The following ENOX2 variants were observed in gnomAD, a reference collection of about 807,000 sequenced individuals.
The protein encoded by ENOX2 is APK1 antigen.
A neutral mutation model predicts 45.0 loss-of-function variants in ENOX2; 36 were observed. The observed-to-expected ratio is 0.80, with a 90% CI of 0.61 to 1.06. ENOX2 has a LOEUF of 1.06. Among genes scored for constraint, ENOX2 ranks in the 50% least tolerant of loss-of-function variants. The pLI, the probability that ENOX2 is intolerant of heterozygous loss-of-function variation, is 0.00. For missense variants in ENOX2, 423 were observed against 462.5 expected (o/e 0.91, Z 0.78); for synonymous variants, 174 against 152.3 (o/e 1.14, Z -1.05).
chrX:130,795,812 T>C (rs2077114790), intron 2 of ENOX2, among the ~76,000 whole-genome samples: 1 of 111,395 alleles, frequency 9.0e-6, no homozygotes. Context: ...GCTTGACATA[T>C]AACTTTTCCT....
At chrX:130,749,278 T>A (rs1340026869) in intron 3 of ENOX2, among the ~76,000 whole-genome samples, 1 of 111,817 alleles carries the variant, frequency 8.9e-6, no homozygotes, top group Non-Finnish European at 1.9e-5. Flanking sequence ...GGCTGAATAT[T>A]AAGTAGAAAC....
At chrX:130,740,855 C>A (rs2038966401) in intron 3 of ENOX2, among the ~76,000 whole-genome samples, 2 of 111,479 alleles carry the variant, frequency 1.8e-5, no homozygotes, top group Admixed American at 1.9e-4. Context: ...TCAGACAGAC[C>A]TGGGTTTGGG....
In ENOX2 at chrX:130,709,241, A is replaced by G. The variant is rs761385042; in HGVS notation, c.-38-5987T>C. The G allele has an allele frequency of 2.5e-6, 3 of 1,202,603 alleles. No individual in the cohort carries two copies. The African/African-American group carries it at 5.3e-5, about 21-fold the overall frequency. ...TCAGCAACTGTACAAAGTGGGGCTT[A>G]CCTGCATAGCCTATTTCGTAGACCC... is the stretch of plus-strand genomic sequence containing the variant. On this transcript the variant is annotated intron_variant, in intron 3 of 14. Coordinates refer to ENST00000394363, the MANE Select transcript of ENOX2 (RefSeq NM_006375.4).
rs775716230 is a variant in ENOX2 at position 130,795,875 on chromosome X, C to T, written c.-182-12185G>A. ...CCTTCAAAACTCGGCTCAAATGTCA[C>T]CTCTTCAGTGAAGTTTTACCTAACC... is the stretch of plus-strand genomic sequence containing the variant. On this transcript the variant is annotated intron_variant, in intron 2 of 14. Transcript: ENST00000394363. Among the ~76,000 whole-genome samples, 7 of 111,196 alleles carry T rather than the reference C, an allele frequency of 6.3e-5. No homozygotes were observed. In the East Asian group the frequency reaches 2.0e-3, roughly 32 times the overall value.
chrX:130,883,382 A>T (rs893822110), intron 2 of ENOX2, among the ~76,000 whole-genome samples: 5 of 111,515 alleles, frequency 4.5e-5, no homozygotes, highest in African/African-American at 1.3e-4. Flanking sequence ...AAGTGCTGGG[A>T]TTACAGGCGT....
chrX:130,677,824 C>T (rs2037193163), intron 6 of ENOX2, among the ~76,000 whole-genome samples: 1 of 111,295 alleles, frequency 9.0e-6, no homozygotes, highest in African/African-American at 3.3e-5. Context: ...TGATGGCTCA[C>T]ACCTGTAATC....
intron 3 of ENOX2, among the ~76,000 whole-genome samples, chrX:130,754,183 G>A (rs1263244954): frequency 9.0e-6 from 1 of 111,429 alleles, no homozygotes; most frequent in African/African-American, 3.3e-5. Flanking sequence ...CAATTATTAT[G>A]TGTCAACTAA....
chrX:130,631,492 A>G lies in ENOX2; in HGVS notation c.1504T>C (p.Ser502Pro). The stretch of plus-strand genomic sequence containing the variant: ...CCCACTAGCAGTGCTTCACGTTCAG[A>G]TTTGATAGGACTGCTGTTCATGGTC... Reference protein sequence around the residue: ...EKTMNSSPIKSEREALLVGII... With the variant: ...EKTMNSSPIKPEREALLVGII... Residue 502 changes from serine to proline, a missense_variant, in exon 13 of 15, where the codon TCT becomes CCT. By Grantham distance (74) the Ser-to-Pro change is moderately conservative. Around this residue, in one of 5 missense-constraint regions of ENOX2, gnomAD observed 108 missense variants for 70.6 expected, o/e 1.53. Transcript: ENST00000394363. The G allele has an allele frequency of 8.4e-7, 1 of 1,195,550 alleles. No individual in the cohort carries two copies.
At chrX:130,676,301 C>G (rs1458867866) in intron 6 of ENOX2, among the ~76,000 whole-genome samples, 2 of 111,822 alleles carry the variant, frequency 1.8e-5, no homozygotes, top group Non-Finnish European at 3.8e-5. Context: ...CATTTTCTAG[C>G]CCCCTTTTGT....
At chrX:130,759,307 G>A (rs2039419498) in intron 3 of ENOX2, among the ~76,000 whole-genome samples, 1 of 111,012 alleles carries the variant, frequency 9.0e-6, no homozygotes, top group Admixed American at 9.6e-5. Context: ...AAGGTCAGAT[G>A]CCCTCCACTG....
intron 2 of ENOX2, among the ~76,000 whole-genome samples, chrX:130,793,180 T>C (rs1051865541): frequency 3.6e-5 from 4 of 112,495 alleles, no homozygotes; most frequent in Admixed American, 9.4e-5. Flanking sequence ...GTGTAGCACA[T>C]GTTGGACACT....
At chrX:130,639,321 G>C (rs1023491316) in intron 10 of ENOX2, among the ~76,000 whole-genome samples, 4 of 112,032 alleles carry the variant, frequency 3.6e-5, no homozygotes, top group African/African-American at 1.3e-4. Flanking sequence ...AGGTGTGTGT[G>C]TGTGTGGGTG....
chrX:130,840,056 T>C (rs2077988165), intron 2 of ENOX2, among the ~76,000 whole-genome samples: 1 of 111,184 alleles, frequency 9.0e-6, no homozygotes, highest in Non-Finnish European at 1.9e-5. Context: ...TCCATTTCTA[T>C]AAAATGGAGG....
chrX:130,838,260 T>C (rs1435264489), intron 2 of ENOX2, among the ~76,000 whole-genome samples: 2 of 111,589 alleles, frequency 1.8e-5, no homozygotes, highest in African/African-American at 3.3e-5. Context: ...TGCATGCCTG[T>C]AATCCCAGCT....
intron 9 of ENOX2, among the ~76,000 whole-genome samples, chrX:130,660,863 A>AGT (rs1249298030): frequency 5.3e-5 from 6 of 112,241 alleles, no homozygotes; most frequent in Non-Finnish European, 9.4e-5. Context: ...CATTATAATG[A>AGT]CTGAGTCTGA....
Position 130,879,646 on chromosome X carries a change from CTTCT to C in ENOX2, c.-183+22034_-183+22037del, listed in dbSNP as rs1375253211. On this transcript the variant is annotated intron_variant, in intron 2 of 14. Transcript: ENST00000394363. Reference sequence around the variant, plus strand: ...ATATAGTCTCGGCTAAGAAGAACAACTTCTTTATCATTTATTGAGAGTACTAACA... The same window carrying C: ...ATATAGTCTCGGCTAAGAAGAACAACTTATCATTTATTGAGAGTACTAACA... 1.5e-3 allele frequency among the ~76,000 whole-genome samples: 168 copies of C among 112,031 alleles called. 1 individual carries two copies. The highest frequency in any genetic ancestry group is 5.2e-3 in the African/African-American group (162 of 30,874).
intron 2 of ENOX2, among the ~76,000 whole-genome samples, chrX:130,878,480 C>T (rs1297509258): frequency 1.8e-5 from 2 of 111,268 alleles, no homozygotes; most frequent in East Asian, 5.7e-4. Context: ...GTGCTTATTC[C>T]TTTTTCCGTG....
At chrX:130,830,318 ATTAAAC>A (rs1263003654) in intron 2 of ENOX2, among the ~76,000 whole-genome samples, 5 of 111,728 alleles carry the variant, frequency 4.5e-5, no homozygotes, top group Non-Finnish European at 9.4e-5. Flanking sequence ...CTACTTCTGT[ATTAAAC>A]TTGCTTTCCC....
At position 130,624,587 on chromosome X, in the gene ENOX2, T is replaced by G. The variant is rs2035496139; in HGVS notation, c.*727A>C. ...CCTTTAAAAGCAGACTATTTACAAG[T>G]GATTCTGAATAGCATGAACACATGC... is the stretch of plus-strand genomic sequence containing the variant. On this transcript the variant is annotated 3_prime_UTR_variant, in exon 15 of 15. Coordinates refer to ENST00000394363, the MANE Select transcript of ENOX2 (RefSeq NM_006375.4). 1 of 112,925 alleles carries G rather than the reference T, an allele frequency of 8.9e-6. No individual in the cohort carries two copies. Among genetic ancestry groups the G allele is most frequent in the African/African-American group, 3.2e-5 (1 of 31,007 alleles). The allele number at this position is 112,925 out of a possible 1,213,427, so 9.3% of individuals were successfully genotyped here.
Sources: allele counts gnomAD v4.1 joint callset (sites outside exome capture counted in the v4.1 genomes callset), GRCh38; gene constraint gnomAD v4.1.1; regional missense constraint gnomAD v4.1.1; transcripts MANE v1.5; gene names NCBI Gene and HGNC (gene_info 2026-07-23, HGNC 2026-07-21).